The following MARCHF1 variants were observed in gnomAD, a reference collection of about 807,000 sequenced individuals.
MARCHF1 encodes membrane associated ring-CH-type finger 1.
MARCHF1 carries 40 observed loss-of-function variants against 54.2 expected under a neutral mutation model. The ratio of observed to expected loss-of-function variants is 0.74; its 90% confidence interval spans 0.57 to 0.96. The LOEUF is 0.96. MARCHF1 is among the 40% of genes least tolerant of loss of function. The pLI is 0.00. For missense variants in MARCHF1, 586 were observed against 656.5 expected (o/e 0.89, Z 1.17); for synonymous variants, 236 against 236.3 (o/e 1.00, Z 0.01).
intron 3 of MARCHF1, among the ~76,000 whole-genome samples, chr4:163,950,805 G>C (rs1260681177): frequency 6.6e-6 from 1 of 152,216 alleles, no homozygotes; most frequent in Non-Finnish European, 1.5e-5. Flanking sequence ...TATTTGTATT[G>C]AGTACGTAAA....
At chr4:163,821,150 A>C (rs142409095) in intron 4 of MARCHF1, among the ~76,000 whole-genome samples, 1,565 of 152,048 alleles carry the variant, frequency 0.01, 23 homozygotes, top group African/African-American at 0.036. Context: ...ATACCCTTGC[A>C]CATGATTTCC....
chr4:164,013,903 AC>A (rs760796039), intron 2 of MARCHF1, among the ~76,000 whole-genome samples: 16 of 152,252 alleles, frequency 1.1e-4, no homozygotes, highest in Non-Finnish European at 2.2e-4. Context: ...GGTGGCTCAC[AC>A]CTGTAATCCC....
At chr4:163,878,822 C>T (rs1560800539) in intron 3 of MARCHF1, among the ~76,000 whole-genome samples, 1 of 152,062 alleles carries the variant, frequency 6.6e-6, no homozygotes, top group East Asian at 1.9e-4. Flanking sequence ...TTATTTTGTA[C>T]CAGCAATTGC....
intron 5 of MARCHF1, among the ~76,000 whole-genome samples, chr4:163,644,046 A>T (rs1007272707): frequency 1.3e-5 from 2 of 151,810 alleles, no homozygotes; most frequent in African/African-American, 2.4e-5. Context: ...CCTCTTCAAA[A>T]TTTTTTTTAA....
intron 3 of MARCHF1, among the ~76,000 whole-genome samples, chr4:163,959,754 G>A (rs1371932216): frequency 6.6e-6 from 1 of 151,814 alleles, no homozygotes; most frequent in African/African-American, 2.4e-5. Context: ...CATAGGAATG[G>A]GAAAATATTT....
intron 2 of MARCHF1, among the ~76,000 whole-genome samples, chr4:164,098,386 T>A (rs539683704): frequency 3.9e-5 from 6 of 152,222 alleles, no homozygotes; most frequent in African/African-American, 1.2e-4. Flanking sequence ...AACAAAAAAC[T>A]CAAGATCACC....
intron 2 of MARCHF1, among the ~76,000 whole-genome samples, chr4:164,089,861 G>A (rs1242457667): frequency 3.3e-5 from 5 of 151,846 alleles, no homozygotes; most frequent in African/African-American, 1.2e-4. Flanking sequence ...TTTGAAGGAT[G>A]TCTCTTTCTC....
chr4:163,669,883 C>A (rs1743671813), intron 5 of MARCHF1, among the ~76,000 whole-genome samples: 1 of 151,592 alleles, frequency 6.6e-6, no homozygotes, highest in Admixed American at 6.6e-5. Context: ...CAGGTGTGAG[C>A]CACCGCTCCC....
intron 5 of MARCHF1, among the ~76,000 whole-genome samples, chr4:163,646,704 C>T (rs1017865978): frequency 6.6e-6 from 1 of 151,962 alleles, no homozygotes; most frequent in Non-Finnish European, 1.5e-5. Flanking sequence ...TTAATATAAC[C>T]TGTTGTTAAA....
intron 3 of MARCHF1, among the ~76,000 whole-genome samples, chr4:163,892,794 T>C (rs1349657532): frequency 6.6e-6 from 1 of 152,098 alleles, no homozygotes; most frequent in Non-Finnish European, 1.5e-5. Context: ...ACTTGAAAGC[T>C]AGTAGGAAAG....
chr4:164,206,982 A>G (rs1731624631), intron 1 of MARCHF1, among the ~76,000 whole-genome samples: 1 of 152,174 alleles, frequency 6.6e-6, no homozygotes, highest in African/African-American at 2.4e-5. Context: ...TAAATACTAA[A>G]TAAAAGTGAT....
rs139063167 is a variant in MARCHF1, at chr4:163,957,837, T to G, written c.-39+30664A>C. 2.0e-3 allele frequency among the ~76,000 whole-genome samples: 298 copies of G among 152,194 alleles called. 1 individual carries two copies. The highest frequency in any genetic ancestry group is 6.5e-3 in the African/African-American group (270 of 41,560). On this transcript the variant is annotated intron_variant, in intron 3 of 9. Coordinates refer to ENST00000514618, the MANE Select transcript of MARCHF1 (RefSeq NM_001394959.1). ...TACATCCACAATTACCATCCAGATA[T>G]GATCTGCACTTGTCTCTTCACAGGC...
At chr4:164,248,080 A>T (rs1310486811) in intron 1 of MARCHF1, among the ~76,000 whole-genome samples, 1 of 151,904 alleles carries the variant, frequency 6.6e-6, no homozygotes, top group East Asian at 1.9e-4. Context: ...TTTTCTTACA[A>T]CCACACACAA....
At chr4:163,875,710 T>C (rs1750273126) in intron 3 of MARCHF1, among the ~76,000 whole-genome samples, 1 of 152,224 alleles carries the variant, frequency 6.6e-6, no homozygotes, top group Non-Finnish European at 1.5e-5. Context: ...TGATGTGAAC[T>C]GCCTAATTCG....
rs751596385 is a variant in MARCHF1, at chr4:163,613,325, C to T, written c.231G>A (p.Gln77=). 57 of 1,611,508 alleles carry T rather than the reference C, an allele frequency of 3.5e-5. No individual in the cohort carries two copies. Among genetic ancestry groups the T allele is most frequent in the Non-Finnish European group, 4.7e-5 (55 of 1,178,968 alleles). Residue 77 remains glutamine, a synonymous_variant, in exon 6 of 10, where the codon CAG becomes CAA. Transcript: ENST00000514618. ...TGTTCAGCACTTACCTGCAGATGTC[C>T]TGAGTGGATGGACAGACAGACAACC... ...QSRLSVCPST[Q]DICRSAILHD...
chr4:164,082,075 T>C (rs1755113576), intron 2 of MARCHF1, among the ~76,000 whole-genome samples: 2 of 152,136 alleles, frequency 1.3e-5, no homozygotes, highest in Admixed American at 6.5e-5. Context: ...GTTTTCCAAA[T>C]TGCAAAAACA....
intron 4 of MARCHF1, among the ~76,000 whole-genome samples, chr4:163,851,950 A>T (rs1395948116): frequency 6.6e-6 from 1 of 152,218 alleles, no homozygotes; most frequent in African/African-American, 2.4e-5. Context: ...ACAAGGAAGA[A>T]ATCTCTTATT....
chr4:163,707,914 T>C (rs2111247944), intron 4 of MARCHF1, among the ~76,000 whole-genome samples: 1 of 152,038 alleles, frequency 6.6e-6, no homozygotes, highest in East Asian at 1.9e-4. Context: ...ACTACTTTTC[T>C]GTTGTGCCAT....
chr4:163,709,147 T>A (rs1430122588), intron 4 of MARCHF1, among the ~76,000 whole-genome samples: 1 of 152,172 alleles, frequency 6.6e-6, no homozygotes, highest in East Asian at 1.9e-4. Flanking sequence ...AATATGTTAA[T>A]CCAATCTTGG....
Sources: allele counts gnomAD v4.1 joint callset (sites outside exome capture counted in the v4.1 genomes callset), GRCh38; gene constraint gnomAD v4.1.1; transcripts MANE v1.5; gene names NCBI Gene and HGNC (gene_info 2026-07-23, HGNC 2026-07-21).